TAF3: variants seen among roughly 807,000 people sequenced by gnomAD.
TAF3 encodes the protein transcription initiation factor TFIID subunit 3.
A neutral mutation model predicts 80.6 loss-of-function variants in TAF3; 7 were observed. The ratio of observed to expected loss-of-function variants is 0.09; its 90% CI spans 0.05 to 0.16. The LOEUF (loss-of-function observed/expected upper bound fraction) is 0.16. TAF3 is among the 10% of genes least tolerant of loss of function. The pLI is 1.00. For missense variants in TAF3, 921 were observed against 1,140.2 expected (o/e 0.81, Z 2.77); for synonymous variants, 444 against 446.1 (o/e 1.00, Z 0.06).
At chr10:7,859,868 C>A (rs1428589515) in intron 2 of TAF3, among the ~76,000 whole-genome samples, 2 of 152,254 alleles carry the variant, frequency 1.3e-5, no homozygotes, top group Non-Finnish European at 2.9e-5. Flanking sequence ...TCCCAGATAA[C>A]TTATTATTTC....
At chr10:7,984,423 A>G (rs1452906064) in intron 4 of TAF3, among the ~76,000 whole-genome samples, 1 of 152,226 alleles carries the variant, frequency 6.6e-6, no homozygotes, top group East Asian at 1.9e-4. Flanking sequence ...GTTCTTACAT[A>G]GATGCCGCAT....
chr10:7,906,586 A>G (rs1414302528), intron 2 of TAF3, among the ~76,000 whole-genome samples: 2 of 152,110 alleles, frequency 1.3e-5, no homozygotes, highest in East Asian at 3.9e-4. Context: ...TGCTTTATGG[A>G]CCTGAACAAA....
At chr10:7,865,696 G>A (rs1837207396) in intron 2 of TAF3, among the ~76,000 whole-genome samples, 1 of 152,178 alleles carries the variant, frequency 6.6e-6, no homozygotes, top group South Asian at 2.1e-4. Context: ...TTCACAGGCA[G>A]GGGTGAAGGA....
At chr10:7,828,178 C>T (rs988421606) in intron 2 of TAF3, among the ~76,000 whole-genome samples, 10 of 152,046 alleles carry the variant, frequency 6.6e-5, no homozygotes, top group African/African-American at 2.4e-4. Flanking sequence ...GGCTGTAGTG[C>T]GCAATGATTG....
intron 2 of TAF3, among the ~76,000 whole-genome samples, chr10:7,840,239 A>C (rs1253126619): frequency 6.6e-6 from 1 of 150,576 alleles, no homozygotes; most frequent in Middle Eastern, 3.4e-3. Flanking sequence ...TGCAAACTCC[A>C]CCTCATGGGT....
At chr10:7,943,264 T>G (rs988989816) in intron 2 of TAF3, among the ~76,000 whole-genome samples, 1 of 152,182 alleles carries the variant, frequency 6.6e-6, no homozygotes, top group Admixed American at 6.5e-5. Flanking sequence ...GTCTTCTGAT[T>G]CTGGCTCCTA....
rs75489070 is a variant in TAF3, at chr10:7,833,911, G to A, written c.409+9351G>A. 0.013 allele frequency: 8,375 copies of A among 654,276 alleles called. 547 individuals carry two copies. The East Asian group carries it at 0.21, about 16-fold the overall frequency. The allele number at this position is 654,276 out of a possible 1,614,324, so 40.5% of individuals were successfully genotyped here. On this transcript the variant is annotated intron_variant, in intron 2 of 6. Transcript: ENST00000344293. Reference sequence around the variant, plus strand: ...TACCCCTTCAGCCGCTGCACAGTGCGTGTGGAAGTGGGGCTTCAAGATCTT... The same window carrying A: ...TACCCCTTCAGCCGCTGCACAGTGCATGTGGAAGTGGGGCTTCAAGATCTT...
At chr10:7,827,176 G>A (rs184233551) in intron 2 of TAF3, among the ~76,000 whole-genome samples, 1 of 152,288 alleles carries the variant, frequency 6.6e-6, no homozygotes, top group East Asian at 1.9e-4. Context: ...GAGGCACAGC[G>A]TGGACCTCAC....
chr10:7,860,797 T>C (rs1363566578), intron 2 of TAF3, among the ~76,000 whole-genome samples: 1 of 150,596 alleles, frequency 6.6e-6, no homozygotes, highest in Non-Finnish European at 1.5e-5. Context: ...TCTTTCTTTC[T>C]TTCTTTCTTT....
intron 2 of TAF3, among the ~76,000 whole-genome samples, chr10:7,861,191 C>T (rs1031555385): frequency 6.6e-6 from 1 of 152,128 alleles, no homozygotes; most frequent in East Asian, 1.9e-4. Context: ...GTCTCGATCT[C>T]CTGACCTCGT....
intron 2 of TAF3, among the ~76,000 whole-genome samples, chr10:7,832,162 G>A (rs1017678749): frequency 6.6e-6 from 1 of 152,044 alleles, no homozygotes; most frequent in East Asian, 1.9e-4. Context: ...TTGAGGCTTT[G>A]TACCCTTTGC....
chr10:7,830,117 G>T (rs1426575627), intron 2 of TAF3, among the ~76,000 whole-genome samples: 1 of 151,934 alleles, frequency 6.6e-6, no homozygotes, highest in Non-Finnish European at 1.5e-5. Context: ...GCACTCCTTG[G>T]ACTCAAGAAT....
At chr10:7,974,119 T>C (rs1157940541) in intron 3 of TAF3, among the ~76,000 whole-genome samples, 2 of 144,480 alleles carry the variant, frequency 1.4e-5, no homozygotes, top group African/African-American at 5.2e-5. Context: ...CAGAGTGAGA[T>C]TCCTTCTGAA....
rs1564373309 is a variant in TAF3 at position 7,965,653 on chromosome 10, GAGA to G, written c.2146_2148del (p.Lys716del). The G allele has an allele frequency of 3.1e-6, 5 of 1,597,582 alleles. No individual in the cohort carries two copies. The highest frequency in any genetic ancestry group is 1.1e-5 in the South Asian group (1 of 87,072). Reference sequence around the variant, plus strand: ...GGAGAAGAAGAAAAAGAAGGAAAAAGAGAAGGAGAAGAAGGAGAAGGAAAGAGA... The same window carrying G: ...GGAGAAGAAGAAAAAGAAGGAAAAAGAGGAGAAGAAGGAGAAGGAAAGAGA... On this transcript the variant is annotated inframe_deletion, in exon 3 of 7. Transcript: ENST00000344293.
chr10:7,832,493 A>G (rs978026839), intron 2 of TAF3, among the ~76,000 whole-genome samples: 18 of 152,192 alleles, frequency 1.2e-4, no homozygotes, highest in African/African-American at 3.9e-4. Context: ...TGTAGTAATT[A>G]CATCAGACTA....
chr10:7,823,726 C>T (rs957565996), intron 1 of TAF3, among the ~76,000 whole-genome samples: 1 of 151,704 alleles, frequency 6.6e-6, no homozygotes, highest in Non-Finnish European at 1.5e-5. Flanking sequence ...CCTCCGCCTC[C>T]TGGGTTTGAG....
chr10:7,968,522 A>G (rs1280875592), intron 3 of TAF3, among the ~76,000 whole-genome samples: 1 of 152,230 alleles, frequency 6.6e-6, no homozygotes, highest in African/African-American at 2.4e-5. Flanking sequence ...TAAGTATTTC[A>G]TCTTTAGAAA....
chr10:7,835,914 C>T (rs1002707382), intron 2 of TAF3, among the ~76,000 whole-genome samples: 1 of 152,222 alleles, frequency 6.6e-6, no homozygotes, highest in Non-Finnish European at 1.5e-5. Flanking sequence ...ACTACCTTGC[C>T]CCAGCTACCA....
intron 2 of TAF3, among the ~76,000 whole-genome samples, chr10:7,873,621 C>CCCA (rs1554779069): frequency 7.7e-6 from 1 of 130,410 alleles, no homozygotes; most frequent in African/African-American, 2.9e-5. Flanking sequence ...GAGTTCTCCC[C>CCCA]CCCCCCCCGT....
Sources: gnomAD v4.1 joint callset for allele counts (sites outside exome capture counted in the v4.1 genomes callset) on GRCh38, gnomAD v4.1.1 for gene constraint, MANE v1.5 for transcripts, NCBI Gene and HGNC (gene_info 2026-07-23, HGNC 2026-07-21) for gene names.